The following ZNF532 variants were observed in gnomAD, a reference collection of about 807,000 sequenced individuals.
ZNF532 encodes the protein zinc finger protein 532.
A neutral mutation model predicts 89.3 loss-of-function variants in ZNF532; 22 were observed. That is an observed-to-expected ratio of 0.25 (90% confidence interval 0.18 to 0.35). The LOEUF is 0.35. Ranked by LOEUF, ZNF532 falls within the 10% of genes least tolerant of loss-of-function variation. ZNF532 has a pLI of 1.00. For synonymous variants in ZNF532, 606 were observed against 649.6 expected (o/e 0.93, Z 1.02); for missense variants, 1,132 against 1,643.4 (o/e 0.69, Z 5.38).
At chr18:58,935,161 C>T (rs1383078126) in intron 4 of ZNF532, among the ~76,000 whole-genome samples, 22 of 101,142 alleles carry the variant, frequency 2.2e-4, no homozygotes, top group Non-Finnish European at 3.5e-4. Flanking sequence ...CTCCTCCCCA[C>T]TCCTCCTCCT....
At chr18:58,948,027 A>C (rs1331526322) in intron 5 of ZNF532, 40 bp from the exon 6 acceptor site, 20 of 1,566,220 alleles carry the variant, frequency 1.3e-5, no homozygotes, top group Non-Finnish European at 1.7e-5. Flanking sequence ...TGACTTAAAG[A>C]GGCTGACTGA....
At chr18:58,915,957 C>T (rs897552387) in intron 2 of ZNF532, among the ~76,000 whole-genome samples, 1 of 152,182 alleles carries the variant, frequency 6.6e-6, no homozygotes, top group Non-Finnish European at 1.5e-5. Context: ...CTGTGAAGCT[C>T]GAAAGAAAGA....
intron 2 of ZNF532, among the ~76,000 whole-genome samples, chr18:58,870,579 C>T (rs746793538): frequency 3.9e-5 from 6 of 152,094 alleles, no homozygotes; most frequent in Non-Finnish European, 4.4e-5. Context: ...GCAGAAAAGA[C>T]GGACCTTTCG....
chr18:58,921,971 G>T (rs554069772), intron 3 of ZNF532, among the ~76,000 whole-genome samples: 1 of 152,098 alleles, frequency 6.6e-6, no homozygotes, highest in East Asian at 1.9e-4. Flanking sequence ...GCCGGGCTTG[G>T]TGGTGCATGC....
intron 7 of ZNF532, among the ~76,000 whole-genome samples, chr18:58,970,950 C>G (rs951370312): frequency 4.6e-5 from 7 of 152,130 alleles, no homozygotes; most frequent in Non-Finnish European, 1.0e-4. Context: ...TTCTTTTTTT[C>G]TCTGCCCAAG....
chr18:58,971,961 T>G (rs12455477), intron 7 of ZNF532, among the ~76,000 whole-genome samples: 33,685 of 152,174 alleles, frequency 0.22, 4,546 homozygotes, highest in East Asian at 0.56. Flanking sequence ...TCCAGCACTT[T>G]GGGAGGCTGA....
intron 2 of ZNF532, among the ~76,000 whole-genome samples, chr18:58,894,099 C>T (rs1362255676): frequency 6.6e-6 from 1 of 152,172 alleles, no homozygotes; most frequent in Admixed American, 6.5e-5. Flanking sequence ...TTGTGGCCTG[C>T]CACTTGTCTT....
chr18:58,896,421 C>G (rs374504567), intron 2 of ZNF532: 2 of 151,952 alleles, frequency 1.3e-5, no homozygotes, highest in African/African-American at 4.8e-5. Context: ...TTTGCCTATT[C>G]TAGGCACTTC....
intron 5 of ZNF532, among the ~76,000 whole-genome samples, chr18:58,943,052 C>T (rs2063338521): frequency 6.6e-6 from 1 of 152,148 alleles, no homozygotes; most frequent in East Asian, 1.9e-4. Context: ...TTCTTGTTTT[C>T]CAGTGTGTGG....
At chr18:58,942,410 A>G (rs1015588242) in intron 5 of ZNF532, among the ~76,000 whole-genome samples, 1 of 132,646 alleles carries the variant, frequency 7.5e-6, no homozygotes, top group South Asian at 2.5e-4. Context: ...TTCCTTCCTA[A>G]GTGCAAGCCT....
chr18:58,896,421 C>T (rs374504567), intron 2 of ZNF532: 1 of 151,952 alleles, frequency 6.6e-6, no homozygotes, highest in African/African-American at 2.4e-5. Context: ...TTTGCCTATT[C>T]TAGGCACTTC....
intron 7 of ZNF532, among the ~76,000 whole-genome samples, chr18:58,978,663 C>T (rs1317467467): frequency 6.6e-6 from 1 of 151,954 alleles, no homozygotes; most frequent in African/African-American, 2.4e-5. Flanking sequence ...TACTGTATTC[C>T]TAAATACAGG....
intron 5 of ZNF532, among the ~76,000 whole-genome samples, chr18:58,942,670 TAAAAC>T (rs1321409164): frequency 2.0e-5 from 3 of 151,916 alleles, no homozygotes; most frequent in African/African-American, 7.3e-5. Context: ...CTTTTCCAAT[TAAAAC>T]TAAGGTAAAA....
At chr18:58,916,060 TTTCA>T (rs931022752) in intron 2 of ZNF532, among the ~76,000 whole-genome samples, 4 of 152,332 alleles carry the variant, frequency 2.6e-5, no homozygotes, top group African/African-American at 9.6e-5. Flanking sequence ...TTTCAGTCCC[TTTCA>T]ACCCTGGTGG....
chr18:58,887,383 G>A (rs559766181), intron 2 of ZNF532, among the ~76,000 whole-genome samples: 17 of 152,220 alleles, frequency 1.1e-4, no homozygotes, highest in Non-Finnish European at 2.2e-4. Flanking sequence ...TATTCAGTAA[G>A]TAGATATTCC....
At chr18:58,874,983 A>G (rs1334702795) in intron 2 of ZNF532, among the ~76,000 whole-genome samples, 2 of 152,196 alleles carry the variant, frequency 1.3e-5, no homozygotes, top group Non-Finnish European at 2.9e-5. Context: ...CACTAGCCAC[A>G]TATGACTACT....
At chr18:58,974,416 T>G (rs552351933) in intron 7 of ZNF532, among the ~76,000 whole-genome samples, 4 of 152,324 alleles carry the variant, frequency 2.6e-5, no homozygotes, top group Admixed American at 2.0e-4. Flanking sequence ...TCTTGTGGTA[T>G]GAGTGCATGC....
intron 4 of ZNF532, among the ~76,000 whole-genome samples, chr18:58,936,565 TC>T (rs1357132085): frequency 6.6e-6 from 1 of 152,334 alleles, no homozygotes; most frequent in East Asian, 1.9e-4. Context: ...GCTCTTCTGT[TC>T]TTTTGCCCTA....
rs2056326820 is a variant in ZNF532 at position 58,865,049 on chromosome 18, T to C, written c.-464T>C. The C allele has an allele frequency of 6.6e-6, 1 of 152,256 alleles. No individual in the cohort carries two copies. The highest frequency in any genetic ancestry group is 2.4e-5 in the African/African-American group (1 of 41,432). 9.4% of individuals were successfully genotyped at this position (152,256 alleles called of 1,614,324 possible). ...AGAAGATGGAAAAAAAGGTGCAGGTTTGCAGGGTCTGAGATTACTTGGGCT... is the reference window on the plus strand; with the variant it reads ...AGAAGATGGAAAAAAAGGTGCAGGTCTGCAGGGTCTGAGATTACTTGGGCT... On this transcript the variant is annotated 5_prime_UTR_variant, in exon 1 of 10. Transcript: ENST00000591808.
Sources: allele counts gnomAD v4.1 joint callset (sites outside exome capture counted in the v4.1 genomes callset), GRCh38; gene constraint gnomAD v4.1.1; transcripts MANE v1.5; gene names NCBI Gene and HGNC (gene_info 2026-07-23, HGNC 2026-07-21).